NTSR1: variants seen among roughly 807,000 people sequenced by gnomAD.
NTSR1 encodes the protein neurotensin receptor type 1.
Under a neutral mutation model 31.2 loss-of-function variants are expected in NTSR1, and 29 were observed. The observed-to-expected ratio is 0.93, with a 90% CI of 0.69 to 1.27. NTSR1 has a LOEUF of 1.27. NTSR1 is among the 50% of genes most tolerant of loss of function. The probability of loss-of-function intolerance (pLI) is 0.00; values close to 1 mark genes in which losing one functional copy is unlikely to be tolerated. For synonymous variants in NTSR1, 282 were observed against 269.9 expected (o/e 1.04, Z -0.44); for missense variants, 697 against 595.4 (o/e 1.17, Z -1.78).
intron 1 of NTSR1, among the ~76,000 whole-genome samples, chr20:62,749,788 C>T (rs71325406): frequency 6.6e-6 from 1 of 152,012 alleles, no homozygotes; most frequent in Non-Finnish European, 1.5e-5. Flanking sequence ...AAAAAGCCGG[C>T]AGATAACTCG....
At position 62,754,763 on chromosome 20, in the gene NTSR1, G is replaced by C. The variant is rs146138729; in HGVS notation, c.793G>C (p.Val265Leu). ...CACCATCATCGCCAACAAGCTGACC[G>C]TCATGGTACGCCAGGCGGCCGAGCA... The part of the protein sequence containing the change: ...LNTIIANKLT[V>L]MVRQAAEQGQ... The change falls in exon 2 of 4, where the codon GTC (valine) becomes CTC (leucine). Residue 265 changes from valine to leucine, a missense_variant. Transcript: ENST00000370501. The C allele has an allele frequency of 1.2e-6, 2 of 1,612,612 alleles. No homozygotes were observed. The highest frequency in any genetic ancestry group is 2.2e-5 in the East Asian group (1 of 44,866).
intron 1 of NTSR1, among the ~76,000 whole-genome samples, chr20:62,725,128 C>T (rs541329328): frequency 1.2e-3 from 186 of 152,356 alleles, no homozygotes; most frequent in South Asian, 2.7e-3. Context: ...CCCCAAGGCA[C>T]AGGATGGGGC....
At chr20:62,752,418 C>A (rs1314653540) in intron 1 of NTSR1, among the ~76,000 whole-genome samples, 1 of 143,960 alleles carries the variant, frequency 6.9e-6, no homozygotes, top group Non-Finnish European at 1.5e-5. Flanking sequence ...CCTCACCCCC[C>A]AATCCTACTC....
At chr20:62,713,966 G>A (rs1403465852) in intron 1 of NTSR1, among the ~76,000 whole-genome samples, 2 of 152,362 alleles carry the variant, frequency 1.3e-5, no homozygotes, top group Non-Finnish European at 1.5e-5. Flanking sequence ...TGGGCGTCGT[G>A]AAGGATGCCT....
Position 62,760,382 on chromosome 20 carries a change from A to T in NTSR1, c.*115A>T. On this transcript the variant is annotated 3_prime_UTR_variant, in exon 4 of 4. Transcript: ENST00000370501. ...GGGGGTCAGGCAGAGGCCAGCCTGC[A>T]CTGGAGTCTGAGGCCTGGGACCCCC... The T allele has an allele frequency of 8.2e-7, 1 of 1,216,756 alleles. No individual in the cohort carries two copies. Among genetic ancestry groups the T allele is most frequent in the African/African-American group, 1.6e-5 (1 of 63,628 alleles). The allele number at this position is 1,216,756 out of a possible 1,614,324, so 75.4% of individuals were successfully genotyped here.
chr20:62,750,715 A>G (rs1464701718), intron 1 of NTSR1, among the ~76,000 whole-genome samples: 1 of 151,184 alleles, frequency 6.6e-6, no homozygotes, highest in Non-Finnish European at 1.5e-5. Context: ...AAAAAAAACA[A>G]TACTGCATTG....
chr20:62,721,319 A>G (rs2427411), intron 1 of NTSR1, among the ~76,000 whole-genome samples: 114,165 of 152,144 alleles, frequency 0.75, 43,723 homozygotes, highest in East Asian at 0.95. Flanking sequence ...CCTCTGGGTC[A>G]TCTTGAGGGT....
At position 62,709,172 on chromosome 20, in the gene NTSR1, A is replaced by G; in HGVS notation, c.-36A>G. 1.5e-6 allele frequency: 2 copies of G among 1,363,604 alleles called. No individual in the cohort carries two copies. The highest frequency in any genetic ancestry group is 9.4e-7 in the Non-Finnish European group (1 of 1,059,546). 84.5% of individuals were successfully genotyped at this position (1,363,604 alleles called of 1,614,324 possible). ...CTCCTGCCCGGACTTCCAGCCCCGG[A>G]GGCGCCGGACAGAGCCGCGGACTCC... On this transcript the variant is annotated 5_prime_UTR_variant, in exon 1 of 4. Transcript: ENST00000370501.
Position 62,736,344 on chromosome 20 carries a change from G to A in NTSR1, c.715-18341G>A, listed in dbSNP as rs115143403. Reference sequence around the variant, plus strand: ...AGCCCCACTCTCTGTACCCTCAGGCGCAATGCCCTGAAAGACAGGCGCCAC... The same window carrying A: ...AGCCCCACTCTCTGTACCCTCAGGCACAATGCCCTGAAAGACAGGCGCCAC... On this transcript the variant is annotated intron_variant, in intron 1 of 3. Coordinates refer to ENST00000370501, the MANE Select transcript of NTSR1 (RefSeq NM_002531.3). 5.1e-3 allele frequency among the ~76,000 whole-genome samples: 771 copies of A among 152,338 alleles called. 8 individuals carry two copies. The highest frequency in any genetic ancestry group is 0.018 in the African/African-American group (728 of 41,576).
At chr20:62,730,390 T>G (rs956168518) in intron 1 of NTSR1, among the ~76,000 whole-genome samples, 1 of 152,228 alleles carries the variant, frequency 6.6e-6, no homozygotes, top group Non-Finnish European at 1.5e-5. Flanking sequence ...CTTCGCAGTA[T>G]GTAGTTGAGG....
chr20:62,722,458 C>T (rs1015836832), intron 1 of NTSR1, among the ~76,000 whole-genome samples: 2 of 152,204 alleles, frequency 1.3e-5, no homozygotes, highest in Admixed American at 6.5e-5. Context: ...ATAAGCCTTT[C>T]GTGGCCTTGT....
At chr20:62,753,917 A>G (rs997634536) in intron 1 of NTSR1, among the ~76,000 whole-genome samples, 2 of 152,222 alleles carry the variant, frequency 1.3e-5, no homozygotes, top group African/African-American at 4.8e-5. Context: ...CAGTGCCTAC[A>G]GAGTCACGTC....
At chr20:62,712,108 G>C (rs1988628199) in intron 1 of NTSR1, among the ~76,000 whole-genome samples, 1 of 152,224 alleles carries the variant, frequency 6.6e-6, no homozygotes, top group Non-Finnish European at 1.5e-5. Context: ...CAGCTGCTCT[G>C]TGTGCTTGAA....
chr20:62,708,969 G>A lies in NTSR1; in HGVS notation c.-239G>A. The A allele has an allele frequency of 2.4e-6, 1 of 418,076 alleles. No homozygotes were observed. The highest frequency in any genetic ancestry group is 4.2e-6 in the Non-Finnish European group (1 of 238,668). The allele number at this position is 418,076 out of a possible 1,614,324, so 25.9% of individuals were successfully genotyped here. On this transcript the variant is annotated 5_prime_UTR_variant, in exon 1 of 4. Transcript: ENST00000370501. The surrounding 1 kb of genome is among the most constrained non-coding windows in gnomAD (Gnocchi z 5.9). ...GCCGGGAGACAGCCCGAGGAACCACGGGTTCTGGAGCTAGGAGCCGGAAGC... is the reference window on the plus strand; with the variant it reads ...GCCGGGAGACAGCCCGAGGAACCACAGGTTCTGGAGCTAGGAGCCGGAAGC...
rs969687336 is a variant in NTSR1, at chr20:62,760,383, C to T, written c.*116C>T. The T allele has an allele frequency of 8.2e-7, 1 of 1,223,526 alleles. No homozygotes were observed. Among genetic ancestry groups the T allele is most frequent in the African/African-American group, 1.5e-5 (1 of 65,306 alleles). The allele number at this position is 1,223,526 out of a possible 1,614,324, so 75.8% of individuals were successfully genotyped here. On this transcript the variant is annotated 3_prime_UTR_variant, in exon 4 of 4. Transcript: ENST00000370501. ...GGGGTCAGGCAGAGGCCAGCCTGCACTGGAGTCTGAGGCCTGGGACCCCCC... is the reference window on the plus strand; with the variant it reads ...GGGGTCAGGCAGAGGCCAGCCTGCATTGGAGTCTGAGGCCTGGGACCCCCC...
In NTSR1 at chr20:62,742,989, G is replaced by A. The variant is rs1042749103; in HGVS notation, c.715-11696G>A. Among the ~76,000 whole-genome samples the A allele has an allele frequency of 6.7e-6, 1 of 149,606 alleles. No individual in the cohort carries two copies. On this transcript the variant is annotated intron_variant, in intron 1 of 3. Coordinates refer to ENST00000370501, the MANE Select transcript of NTSR1 (RefSeq NM_002531.3). This position sits in a 1 kb window ranked among gnomAD's most constrained non-coding sequence, Gnocchi z 7.1. ...GTTCTCTGAGTTTAGCTTTGTTTGT[G>A]TAGGTAGTTCACTGTGGGAGTCTAG...
At chr20:62,739,519 A>G (rs1989164891) in intron 1 of NTSR1, among the ~76,000 whole-genome samples, 1 of 152,180 alleles carries the variant, frequency 6.6e-6, no homozygotes, top group Non-Finnish European at 1.5e-5. Flanking sequence ...AGTCCCTCCC[A>G]TGCAGGTACT....
intron 1 of NTSR1, among the ~76,000 whole-genome samples, chr20:62,749,506 G>A (rs1401916161): frequency 2.0e-5 from 3 of 152,012 alleles, no homozygotes; most frequent in Non-Finnish European, 4.4e-5. Flanking sequence ...CAAAAACACA[G>A]GCAACAAAAG....
In NTSR1 at chr20:62,742,014, C is replaced by A. The variant is rs956044375; in HGVS notation, c.715-12671C>A. Among the ~76,000 whole-genome samples the A allele has an allele frequency of 1.2e-4, 18 of 149,356 alleles. 1 individual carries two copies. In the South Asian group the frequency reaches 3.2e-3, roughly 26 times the overall value. The stretch of plus-strand genomic sequence containing the variant: ...GTGGTGCACACAGAGTATGTGTAGA[C>A]CCCAGGACAGTCGATGTCAGCTAGA... On this transcript the variant is annotated intron_variant, in intron 1 of 3. Coordinates refer to ENST00000370501, the MANE Select transcript of NTSR1 (RefSeq NM_002531.3). This position sits in a 1 kb window ranked among gnomAD's most constrained non-coding sequence, Gnocchi z 7.1.
Sources: allele counts gnomAD v4.1 joint callset (sites outside exome capture counted in the v4.1 genomes callset), GRCh38; gene constraint gnomAD v4.1.1; non-coding constraint Gnocchi (gnomAD v3.1); transcripts MANE v1.5; gene names NCBI Gene and HGNC (gene_info 2026-07-23, HGNC 2026-07-21).